Variants in UTRN observed in about 807,000 individuals in gnomAD.
UTRN encodes dystrophin-related protein 1.
UTRN carries 283 observed loss-of-function variants against 463.9 expected under a neutral mutation model. That is an observed-to-expected ratio of 0.61 (90% CI 0.55 to 0.67). The LOEUF (loss-of-function observed/expected upper bound fraction) is 0.67. Among genes scored for constraint, UTRN ranks in the 30% least tolerant of loss-of-function variants. The pLI is 0.00. For synonymous variants in UTRN, 1,442 were observed against 1,431.5 expected, an observed-to-expected ratio of 1.01 and a Z score of -0.17; for missense variants, 3,922 against 4,084.3, an observed-to-expected ratio of 0.96 and a Z score of 1.08.
intron 19 of UTRN, among the ~76,000 whole-genome samples, chr6:144,458,314 A>G (rs908191953): frequency 4.6e-5 from 7 of 152,130 alleles, no homozygotes; most frequent in African/African-American, 1.7e-4. Flanking sequence ...AATTTATATG[A>G]CACTGTGCTT....
At position 144,406,748 on chromosome 6, in the gene UTRN, C is replaced by T. The variant is rs560744199; in HGVS notation, c.141+3564C>T. ...CCTTTTTCTCTTCTGTAAGCTCTTT[C>T]GTTGGGTGCCCATTTTCCTTTTTTT... On this transcript the variant is annotated intron_variant, in intron 3 of 74. Coordinates refer to ENST00000367545, the MANE Select transcript of UTRN (RefSeq NM_007124.3). Among the ~76,000 whole-genome samples the T allele has an allele frequency of 5.3e-5, 8 of 152,242 alleles. No individual in the cohort carries two copies. The East Asian group carries it at 1.4e-3, about 26-fold the overall frequency.
chr6:144,667,906 T>G, intron 51 of UTRN, among the ~76,000 whole-genome samples: 1 of 152,204 alleles, frequency 6.6e-6, no homozygotes, highest in East Asian at 1.9e-4. Flanking sequence ...GGGATAGAAC[T>G]GCCAGTGAAA....
chr6:144,581,076 G>A (rs997867882), intron 51 of UTRN, among the ~76,000 whole-genome samples: 1 of 152,184 alleles, frequency 6.6e-6, no homozygotes, highest in Non-Finnish European at 1.5e-5. Flanking sequence ...TGTGGGGATG[G>A]CAAATTTCAT....
At chr6:144,452,778 G>C (rs1306174523) in intron 18 of UTRN, among the ~76,000 whole-genome samples, 1 of 147,244 alleles carries the variant, frequency 6.8e-6, no homozygotes, top group Non-Finnish European at 1.5e-5. Context: ...TCTACAAAAA[G>C]TAAAAAAAAA....
chr6:144,583,183 C>T (rs960991772), intron 51 of UTRN: 2 of 290,582 alleles, frequency 6.9e-6, no homozygotes, highest in East Asian at 6.0e-5. Flanking sequence ...ACTCCTCTCC[C>T]GCAGCCGGCA....
chr6:144,581,831 T>C (rs1309687233), intron 51 of UTRN, among the ~76,000 whole-genome samples: 5 of 152,206 alleles, frequency 3.3e-5, no homozygotes, highest in African/African-American at 7.2e-5. Context: ...CCCTTCCCTT[T>C]ACTAGCAATT....
intron 2 of UTRN, among the ~76,000 whole-genome samples, chr6:144,391,336 G>A (rs555342608): frequency 7.2e-5 from 11 of 152,264 alleles, no homozygotes; most frequent in Admixed American, 6.5e-4. Flanking sequence ...CACCCAAAGG[G>A]CTGAGATTAC....
intron 52 of UTRN, among the ~76,000 whole-genome samples, chr6:144,699,479 T>TTG: frequency 1.1e-5 from 1 of 91,952 alleles, no homozygotes. Context: ...AGTGGTTTTT[T>TTG]TTTTTTTTTT....
intron 2 of UTRN, among the ~76,000 whole-genome samples, chr6:144,332,280 A>G (rs1016274773): frequency 2.6e-5 from 4 of 152,228 alleles, no homozygotes; most frequent in Admixed American, 2.6e-4. Context: ...GGCAGGGACC[A>G]AGGTTGTCTT....
In UTRN at chr6:144,488,783, C is replaced by T; in HGVS notation, c.4083C>T (p.Thr1361=). ...ESLGELDKQL[T]TYLTDRIDAF... is the part of the protein sequence containing the mutation. Reference sequence around the variant, plus strand: ...TGGGGGAGCTGGACAAACAGCTCACCACATACCTGACTGACAGGATAGATG... The same window carrying T: ...TGGGGGAGCTGGACAAACAGCTCACTACATACCTGACTGACAGGATAGATG... Residue 1361 remains threonine, a synonymous_variant, in exon 30 of 75, where the codon ACC becomes ACT. Transcript: ENST00000367545. 6.2e-7 allele frequency: 1 copy of T among 1,610,662 alleles called. No individual in the cohort carries two copies. The highest frequency in any genetic ancestry group is 1.1e-5 in the South Asian group (1 of 90,474).
At chr6:144,589,598 T>G (rs1460804958) in intron 51 of UTRN, among the ~76,000 whole-genome samples, 2 of 152,164 alleles carry the variant, frequency 1.3e-5, no homozygotes, top group Non-Finnish European at 2.9e-5. Context: ...ATAGAAGATA[T>G]AGAAAGAGAG....
intron 2 of UTRN, among the ~76,000 whole-genome samples, chr6:144,309,165 T>A (rs1806019333): frequency 6.6e-6 from 1 of 152,166 alleles, no homozygotes; most frequent in Non-Finnish European, 1.5e-5. Flanking sequence ...TTCCCACCCA[T>A]TATCTTTTGC....
At chr6:144,315,948 TG>T (rs1339457351) in intron 2 of UTRN, among the ~76,000 whole-genome samples, 7 of 152,212 alleles carry the variant, frequency 4.6e-5, no homozygotes, top group African/African-American at 1.7e-4. Context: ...TGGACAGGAC[TG>T]TTCCCTGTAC....
At chr6:144,421,998 G>T in intron 4 of UTRN, 28 bp downstream of exon 4, 3 of 1,584,686 alleles carry the variant, frequency 1.9e-6, no homozygotes, top group Non-Finnish European at 2.6e-6. Context: ...GTAAACAACG[G>T]AGTCTCCGGT....
At chr6:144,440,924 G>T (rs544338128) in intron 13 of UTRN, among the ~76,000 whole-genome samples, 21 of 152,268 alleles carry the variant, frequency 1.4e-4, no homozygotes, top group African/African-American at 3.1e-4. Context: ...CTTGTGCAGG[G>T]AAACTCCTTT....
At chr6:144,529,281 C>A (rs1229387278) in intron 41 of UTRN, among the ~76,000 whole-genome samples, 1 of 152,230 alleles carries the variant, frequency 6.6e-6, no homozygotes, top group East Asian at 1.9e-4. Context: ...GCAAGCTGAT[C>A]TCCAGTTCCT....
intron 73 of UTRN, among the ~76,000 whole-genome samples, chr6:144,844,906 A>G (rs1781894618): frequency 6.6e-6 from 1 of 152,232 alleles, no homozygotes; most frequent in African/African-American, 2.4e-5. Flanking sequence ...TCCTTTGTGG[A>G]TTAAAAATTA....
Position 144,695,615 on chromosome 6 carries a change from T to C in UTRN, c.7653-4472T>C, listed in dbSNP as rs58510583. ...GCCTCAGCCTCCCAAAGTGCTGGGA[T>C]TACAGGCGTGAGCCACTGCGCTCAG... On this transcript the variant is annotated intron_variant, in intron 52 of 74. Coordinates refer to ENST00000367545, the MANE Select transcript of UTRN (RefSeq NM_007124.3). Among the ~76,000 whole-genome samples the C allele has an allele frequency of 3.9e-3, 597 of 152,336 alleles. 1 individual carries two copies. Among genetic ancestry groups the C allele is most frequent in the African/African-American group, 0.013 (546 of 41,576 alleles).
chr6:144,671,998 G>A (rs564501131), intron 51 of UTRN, among the ~76,000 whole-genome samples: 10 of 152,126 alleles, frequency 6.6e-5, no homozygotes, highest in African/African-American at 2.4e-4. Flanking sequence ...CTGCATCCCT[G>A]GTATGAAACC....
Sources: allele counts gnomAD v4.1 joint callset (sites outside exome capture counted in the v4.1 genomes callset), GRCh38; gene constraint gnomAD v4.1.1; transcripts MANE v1.5; gene names NCBI Gene and HGNC (gene_info 2026-07-23, HGNC 2026-07-21).